The following MAML1 variants were observed in gnomAD, a reference collection of about 807,000 sequenced individuals.
The protein encoded by MAML1 is mastermind-like protein 1.
Under a neutral mutation model 77.1 loss-of-function variants are expected in MAML1, and 14 were observed. That is an observed-to-expected ratio of 0.18 (90% CI 0.12 to 0.28). MAML1 has a LOEUF of 0.28. Among genes scored for constraint, MAML1 ranks in the 10% least tolerant of loss-of-function variants. MAML1 has a pLI of 1.00. For missense variants in MAML1, 1,217 were observed against 1,327.8 expected, an observed-to-expected ratio of 0.92 and a Z score of 1.30; for synonymous variants, 516 against 551.9, an observed-to-expected ratio of 0.93 and a Z score of 0.91.
chr5:179,764,089 C>T (rs149297781), intron 1 of MAML1, among the ~76,000 whole-genome samples: 1 of 152,218 alleles, frequency 6.6e-6, no homozygotes, highest in African/African-American at 2.4e-5. Context: ...TCCCTTCTGA[C>T]ATGTTCTTAT....
At position 179,766,043 on chromosome 5, in the gene MAML1, C is replaced by G; in HGVS notation, c.1033C>G (p.Gln345Glu). 6.3e-7 allele frequency: 1 copy of G among 1,590,474 alleles called. No individual in the cohort carries two copies. The highest frequency in any genetic ancestry group is 8.5e-7 in the Non-Finnish European group (1 of 1,170,262). ...AGATTCCCCCAGCCTAGGGGGCTCC[C>G]AAACCTTATTCCACACCTCTGGTCA... Reference protein sequence around the residue: ...STDSPSLGGSQTLFHTSGQPR... With the variant: ...STDSPSLGGSETLFHTSGQPR... Residue 345 changes from glutamine (Q) to glutamate (E), a missense_variant, in exon 2 of 5, where the codon CAA (glutamine) becomes GAA (glutamate). Around this residue, in one of 3 missense-constraint regions of MAML1, gnomAD observed 884 missense variants for 949.3 expected, o/e 0.93. Coordinates refer to ENST00000292599, the MANE Select transcript of MAML1 (RefSeq NM_014757.5). This position sits in a 1 kb window ranked among gnomAD's most constrained non-coding sequence, Gnocchi z 4.0.
intron 2 of MAML1, among the ~76,000 whole-genome samples, chr5:179,767,168 T>C (rs1165530817): frequency 2.6e-5 from 4 of 150,994 alleles, no homozygotes; most frequent in Non-Finnish European, 5.9e-5. Context: ...TTGGTAAGCT[T>C]ATAACATTGT....
At chr5:179,753,117 A>G (rs1562559322) in intron 1 of MAML1, among the ~76,000 whole-genome samples, 1 of 152,122 alleles carries the variant, frequency 6.6e-6, no homozygotes, top group Non-Finnish European at 1.5e-5. Flanking sequence ...AATCATTGGA[A>G]CAGGAAAGAC....
chr5:179,766,167 G>T lies in MAML1; in HGVS notation c.1157G>T (p.Gly386Val), dbSNP rs777367230. The T allele has an allele frequency of 7.4e-5, 118 of 1,589,062 alleles. No individual in the cohort carries two copies. The highest frequency in any genetic ancestry group is 9.6e-5 in the Non-Finnish European group (112 of 1,168,468). Residue 386 changes from glycine to valine, a missense_variant, in exon 2 of 5, where the codon GGC becomes GTC. Physicochemically the swap from Gly to Val is moderately radical, Grantham distance 109. Coordinates refer to ENST00000292599, the MANE Select transcript of MAML1 (RefSeq NM_014757.5). The surrounding 1 kb of genome is among the most constrained non-coding windows in gnomAD (Gnocchi z 4.0). Reference sequence around the variant, plus strand: ...GCAGGTGTGGTATTGCCCAGTCAGGGCCCAGGAGGGGCCTCAGAGCTGTCC... The same window carrying T: ...GCAGGTGTGGTATTGCCCAGTCAGGTCCCAGGAGGGGCCTCAGAGCTGTCC... ...ALAGVVLPSQ[G>V]PGGASELSSA...
intron 1 of MAML1, among the ~76,000 whole-genome samples, chr5:179,757,801 A>G (rs546478412): frequency 4.3e-4 from 66 of 152,322 alleles, no homozygotes; most frequent in African/African-American, 1.5e-3. Context: ...CACAAGAATC[A>G]ATCTATTTAA....
chr5:179,738,696 A>G (rs1342010366), intron 1 of MAML1, among the ~76,000 whole-genome samples: 2 of 151,922 alleles, frequency 1.3e-5, no homozygotes, highest in East Asian at 1.9e-4. Context: ...TCATTAGCCT[A>G]TGGTAATATG....
Position 179,775,109 on chromosome 5 carries a change from T to A in MAML1, c.*232T>A. 4 of 1,328,020 alleles carry A rather than the reference T, an allele frequency of 3.0e-6. No homozygotes were observed. The highest frequency in any genetic ancestry group is 3.8e-6 in the Non-Finnish European group (4 of 1,039,848). The allele number at this position is 1,328,020 out of a possible 1,614,324, so 82.3% of individuals were successfully genotyped here. The stretch of plus-strand genomic sequence containing the variant: ...CCCATCTGCTGGCATCAGTACCTGG[T>A]GTTGGGACAGCAGGATAGGGTTCTA... On this transcript the variant is annotated 3_prime_UTR_variant, in exon 5 of 5. Coordinates refer to ENST00000292599, the MANE Select transcript of MAML1 (RefSeq NM_014757.5).
chr5:179,748,559 G>T (rs1484488233), intron 1 of MAML1, among the ~76,000 whole-genome samples: 1 of 152,188 alleles, frequency 6.6e-6, no homozygotes, highest in Non-Finnish European at 1.5e-5. Context: ...AAGGACCAGT[G>T]TAAGTGGTCC....
In MAML1 at chr5:179,766,742, G is replaced by A; in HGVS notation, c.1731+1G>A. 1.3e-6 allele frequency: 2 copies of A among 1,538,896 alleles called. No homozygotes were observed. The highest frequency in any genetic ancestry group is 1.8e-6 in the Non-Finnish European group (2 of 1,140,806). ...CCGATCACTGGTTCCACCTGGCCAG[G>A]TAAGTATGAGCCTTTGCTTTCTGTT... is the stretch of plus-strand genomic sequence containing the variant. On this transcript the variant is annotated splice_donor_variant, in intron 2 of 4. Coordinates refer to ENST00000292599, the MANE Select transcript of MAML1 (RefSeq NM_014757.5). LOFTEE classifies it high-confidence loss of function. This position sits in a 1 kb window ranked among gnomAD's most constrained non-coding sequence, Gnocchi z 4.0.
At chr5:179,733,641 C>T (rs548284311) in intron 1 of MAML1, among the ~76,000 whole-genome samples, 1 of 152,348 alleles carries the variant, frequency 6.6e-6, no homozygotes, top group South Asian at 2.1e-4. Context: ...GCCTTGAGGG[C>T]CTTGCAGGAG....
intron 1 of MAML1, among the ~76,000 whole-genome samples, chr5:179,743,115 C>A (rs1034169063): frequency 4.0e-5 from 6 of 149,374 alleles, no homozygotes; most frequent in Non-Finnish European, 8.9e-5. Context: ...TGCAATGGCA[C>A]CATCTTGGCT....
Position 179,733,384 on chromosome 5 carries a change from G to T in MAML1, c.272G>T (p.Arg91Leu), listed in dbSNP as rs1779106188. Residue 91 changes from arginine (R) to leucine (L), a missense_variant, in exon 1 of 5, where the codon CGC becomes CTC. Arg to Leu is a moderately radical substitution (Grantham distance 102). This residue lies in a region of MAML1 where 312 missense variants were observed against 331.4 expected (regional missense o/e 0.94). Transcript: ENST00000292599. The part of the protein sequence containing the change: ...TAPAPAAPAP[R>L]LDAADGPEHG... The stretch of plus-strand genomic sequence containing the variant: ...CCGGCGCCCGCCGCCCCGGCCCCGC[G>T]CCTGGACGCCGCTGACGGCCCCGAG... The T allele has an allele frequency of 8.4e-7, 1 of 1,194,468 alleles. No homozygotes were observed. The highest frequency in any genetic ancestry group is 3.9e-5 in the South Asian group (1 of 25,946). The allele number at this position is 1,194,468 out of a possible 1,614,324, so 74.0% of individuals were successfully genotyped here. A position where few individuals can be genotyped will look rare whatever the true frequency, so the allele number is the denominator to read the frequency against.
At chr5:179,763,761 C>G (rs181275670) in intron 1 of MAML1, among the ~76,000 whole-genome samples, 33 of 152,244 alleles carry the variant, frequency 2.2e-4, no homozygotes, top group Non-Finnish European at 4.3e-4. Context: ...AGTCAGGTGG[C>G]CTTTCTCTGC....
At chr5:179,746,036 A>G (rs1396941082) in intron 1 of MAML1, among the ~76,000 whole-genome samples, 1 of 147,642 alleles carries the variant, frequency 6.8e-6, no homozygotes, top group East Asian at 2.0e-4. Context: ...TCTGCCTCAA[A>G]AAAAAAAAAC....
intron 1 of MAML1, among the ~76,000 whole-genome samples, chr5:179,734,053 C>G (rs1779119520): frequency 6.6e-6 from 1 of 152,176 alleles, no homozygotes; most frequent in Non-Finnish European, 1.5e-5. Flanking sequence ...TTTAATTTAT[C>G]AGGCCTGTTT....
At chr5:179,767,831 C>A (rs988048082) in intron 2 of MAML1, among the ~76,000 whole-genome samples, 1 of 152,230 alleles carries the variant, frequency 6.6e-6, no homozygotes, top group Admixed American at 6.5e-5. Context: ...AGGAGCTCAA[C>A]AATTTGAACT....
At chr5:179,760,914 A>G (rs1779712112) in intron 1 of MAML1, among the ~76,000 whole-genome samples, 1 of 151,950 alleles carries the variant, frequency 6.6e-6, no homozygotes, top group South Asian at 2.1e-4. Context: ...ACACAGTGAA[A>G]CCCCGTCTCT....
chr5:179,750,681 G>A (rs1581931281), intron 1 of MAML1, among the ~76,000 whole-genome samples: 1 of 152,142 alleles, frequency 6.6e-6, no homozygotes, highest in South Asian at 2.1e-4. Flanking sequence ...GGCTGGTCTC[G>A]AACTCCTGAG....
At chr5:179,754,595 GA>G (rs201899850) in intron 1 of MAML1, among the ~76,000 whole-genome samples, 5 of 147,382 alleles carry the variant, frequency 3.4e-5, no homozygotes, top group East Asian at 2.0e-4. Context: ...GTCTCAAAAA[GA>G]AAAAAAAAAT....
Sources: allele counts gnomAD v4.1 joint callset (sites outside exome capture counted in the v4.1 genomes callset), GRCh38; gene constraint gnomAD v4.1.1; regional missense constraint gnomAD v4.1.1; non-coding constraint Gnocchi (gnomAD v3.1); transcripts MANE v1.5; gene names NCBI Gene and HGNC (gene_info 2026-07-23, HGNC 2026-07-21).